Variants in SPAG16 observed in about 807,000 individuals in gnomAD.
The protein encoded by SPAG16 is sperm-associated antigen 16 protein.
In SPAG16, 86 loss-of-function variants were observed where a neutral mutation model predicts 80.4. The ratio of observed to expected loss-of-function variants is 1.07; its 90% confidence interval spans 0.90 to 1.28. SPAG16 has a LOEUF of 1.28. SPAG16 is among the 50% of genes most tolerant of loss of function. The pLI, the probability that SPAG16 is intolerant of heterozygous loss-of-function variation, is 0.00. For synonymous variants in SPAG16, 294 were observed against 265.9 expected, an observed-to-expected ratio of 1.11 and a Z score of -1.03; for missense variants, 870 against 765.3, an observed-to-expected ratio of 1.14 and a Z score of -1.61.
chr2:213,658,829 G>A (rs1223206897), intron 10 of SPAG16, among the ~76,000 whole-genome samples: 3 of 152,142 alleles, frequency 2.0e-5, no homozygotes, highest in African/African-American at 7.2e-5. Context: ...ACGAAGTCAG[G>A]AGATGAGACC....
Position 214,146,636 on chromosome 2 carries a change from G to T in SPAG16, c.1594-2504G>T, listed in dbSNP as rs993372255. ...ACTAGCTAACTGGATATATAGTTAAGCTGTTCTTCCGTTACCAAGTATCTT... is the reference window on the plus strand; with the variant it reads ...ACTAGCTAACTGGATATATAGTTAATCTGTTCTTCCGTTACCAAGTATCTT... On this transcript the variant is annotated intron_variant, in intron 14 of 15. Transcript: ENST00000331683. Among the ~76,000 whole-genome samples the T allele has an allele frequency of 2.0e-5, 3 of 152,160 alleles. No homozygotes were observed. The East Asian group carries it at 5.8e-4, about 29-fold the overall frequency.
chr2:214,163,691 CTTAT>C, intron 15 of SPAG16, among the ~76,000 whole-genome samples: 1 of 151,250 alleles, frequency 6.6e-6, no homozygotes, highest in East Asian at 1.9e-4. Flanking sequence ...AAGGAATTAG[CTTAT>C]GTGATTGCGG....
intron 3 of SPAG16, among the ~76,000 whole-genome samples, chr2:213,307,568 G>A (rs1036536629): frequency 6.9e-6 from 1 of 144,526 alleles, no homozygotes; most frequent in Non-Finnish European, 1.5e-5. Flanking sequence ...GTATTCCATG[G>A]TGTATATGTG....
rs139525349 is a variant in SPAG16 at position 214,107,226 on chromosome 2, C to T, written c.1528-970C>T. Among the ~76,000 whole-genome samples, 636 of 152,184 alleles carry T rather than the reference C, an allele frequency of 4.2e-3. 8 individuals are homozygous for T. Among genetic ancestry groups the T allele is most frequent in the African/African-American group, 0.015 (605 of 41,528 alleles). ...TTTTATGCCTTTATCACAAAATGCC[C>T]ATCTCCTCCACTAGAATATAAGGTC... On this transcript the variant is annotated intron_variant, in intron 13 of 15. Coordinates refer to ENST00000331683, the MANE Select transcript of SPAG16 (RefSeq NM_024532.5).
At chr2:213,549,140 G>A (rs2076707818) in intron 10 of SPAG16, among the ~76,000 whole-genome samples, 1 of 151,796 alleles carries the variant, frequency 6.6e-6, no homozygotes, top group Non-Finnish European at 1.5e-5. Flanking sequence ...GACCAATTTT[G>A]TTTGTAATCC....
intron 10 of SPAG16, among the ~76,000 whole-genome samples, chr2:213,654,317 A>G (rs1244261574): frequency 6.6e-6 from 1 of 152,038 alleles, no homozygotes; most frequent in Non-Finnish European, 1.5e-5. Flanking sequence ...CTTTCAGGTA[A>G]CTTTCAATTC....
intron 15 of SPAG16, among the ~76,000 whole-genome samples, chr2:214,313,391 T>G (rs1044872408): frequency 1.3e-5 from 2 of 152,100 alleles, no homozygotes; most frequent in Non-Finnish European, 2.9e-5. Context: ...GTCAGAGTGC[T>G]CCCAAGGATT....
chr2:214,394,592 A>C (rs564832017), intron 15 of SPAG16, among the ~76,000 whole-genome samples: 14 of 152,100 alleles, frequency 9.2e-5, no homozygotes, highest in Non-Finnish European at 4.4e-5. Context: ...GTCTTTTTAG[A>C]TCAGTTTTAG....
chr2:214,198,333 A>G (rs549758247), intron 15 of SPAG16, among the ~76,000 whole-genome samples: 2 of 152,184 alleles, frequency 1.3e-5, no homozygotes, highest in Admixed American at 1.3e-4. Context: ...TTCACTTACA[A>G]GTGAGATTAT....
At chr2:213,332,667 T>C (rs1286664642) in intron 5 of SPAG16, among the ~76,000 whole-genome samples, 1 of 152,176 alleles carries the variant, frequency 6.6e-6, no homozygotes, top group Non-Finnish European at 1.5e-5. Flanking sequence ...ATTAAAAAGA[T>C]AATTCATCAT....
chr2:213,462,194 C>A (rs1294170016), intron 9 of SPAG16, among the ~76,000 whole-genome samples: 1 of 152,170 alleles, frequency 6.6e-6, no homozygotes, highest in Non-Finnish European at 1.5e-5. Context: ...TACAGAATTG[C>A]TTGACTTTTG....
intron 15 of SPAG16, among the ~76,000 whole-genome samples, chr2:214,182,340 T>C (rs1314839704): frequency 6.6e-6 from 1 of 151,824 alleles, no homozygotes; most frequent in African/African-American, 2.4e-5. Context: ...CCTCCAGTAG[T>C]ACACTGGATA....
intron 6 of SPAG16, among the ~76,000 whole-genome samples, chr2:213,347,112 G>A (rs1488867651): frequency 6.6e-6 from 1 of 152,104 alleles, no homozygotes; most frequent in Non-Finnish European, 1.5e-5. Context: ...GTTTAGTCTT[G>A]GGAGGGTGTA....
intron 10 of SPAG16, among the ~76,000 whole-genome samples, chr2:213,721,997 T>A (rs2066555138): frequency 6.6e-6 from 1 of 152,228 alleles, no homozygotes; most frequent in African/African-American, 2.4e-5. Flanking sequence ...CGGGTAAGAT[T>A]TTCTTTCTAA....
intron 10 of SPAG16, among the ~76,000 whole-genome samples, chr2:213,618,363 CT>C (rs2125043616): frequency 6.6e-6 from 1 of 152,280 alleles, no homozygotes; most frequent in Admixed American, 6.5e-5. Flanking sequence ...GATATTTTTC[CT>C]TCATAGCAGT....
At chr2:213,871,955 T>G (rs1263210355) in intron 11 of SPAG16, among the ~76,000 whole-genome samples, 3 of 151,300 alleles carry the variant, frequency 2.0e-5, no homozygotes, top group Admixed American at 2.0e-4. Flanking sequence ...AAATTTCAAA[T>G]TATTTAAAAT....
chr2:213,601,905 AG>A (rs2061077639), intron 10 of SPAG16, among the ~76,000 whole-genome samples: 1 of 152,204 alleles, frequency 6.6e-6, no homozygotes, highest in Non-Finnish European at 1.5e-5. Flanking sequence ...AACCAGGGTC[AG>A]GGTGGGGGAT....
At chr2:214,361,825 T>G (rs775806910) in intron 15 of SPAG16, among the ~76,000 whole-genome samples, 5 of 151,928 alleles carry the variant, frequency 3.3e-5, no homozygotes, top group Non-Finnish European at 1.5e-5. Flanking sequence ...TCCAATCATT[T>G]TGCACAGCAT....
intron 10 of SPAG16, among the ~76,000 whole-genome samples, chr2:213,545,705 T>A (rs1364074844): frequency 6.6e-6 from 1 of 152,130 alleles, no homozygotes; most frequent in Non-Finnish European, 1.5e-5. Flanking sequence ...GGTTCCTGTT[T>A]TTTTATGTGG....
Sources: gnomAD v4.1 joint callset for allele counts (sites outside exome capture counted in the v4.1 genomes callset) on GRCh38, gnomAD v4.1.1 for gene constraint, MANE v1.5 for transcripts, NCBI Gene and HGNC (gene_info 2026-07-23, HGNC 2026-07-21) for gene names.